Variants in LRRTM1 observed in about 807,000 individuals in gnomAD.
LRRTM1 encodes the protein leucine-rich repeat transmembrane neuronal protein 1.
LRRTM1 carries 8 observed loss-of-function variants against 37.3 expected under a neutral mutation model. The ratio of observed to expected loss-of-function variants is 0.21; its 90% confidence interval spans 0.13 to 0.39. The LOEUF (loss-of-function observed/expected upper bound fraction) is 0.39, where lower values mean the gene tolerates loss of function less well. Among genes scored for constraint, LRRTM1 ranks in the 10% least tolerant of loss-of-function variants. LRRTM1 has a pLI of 1.00. For synonymous variants in LRRTM1, 326 were observed against 316.8 expected, an observed-to-expected ratio of 1.03 and a Z score of -0.31; for missense variants, 557 against 691.0, an observed-to-expected ratio of 0.81 and a Z score of 2.17.
At chr2:80,289,559 C>T (rs1675057386) in intron 2 of LRRTM1, among the ~76,000 whole-genome samples, 1 of 152,208 alleles carries the variant, frequency 6.6e-6, no homozygotes, top group Admixed American at 6.5e-5. Context: ...TAACATGTCA[C>T]TCTACTGTGG....
At chr2:80,291,645 T>A (rs2149180268) in intron 2 of LRRTM1, among the ~76,000 whole-genome samples, 1 of 152,330 alleles carries the variant, frequency 6.6e-6, no homozygotes, top group African/African-American at 2.4e-5. Context: ...TTGCCAATAT[T>A]AAATAAGAGT....
chr2:80,295,765 G>A (rs1361834441), intron 2 of LRRTM1, among the ~76,000 whole-genome samples: 1 of 152,188 alleles, frequency 6.6e-6, no homozygotes, highest in African/African-American at 2.4e-5. Context: ...CTGACTTCTA[G>A]ACCCTATTTC....
At chr2:80,301,241 G>A (rs927471057), downstream of LRRTM1, among the ~76,000 whole-genome samples, 7 of 152,334 alleles carry the variant, frequency 4.6e-5, no homozygotes, top group African/African-American at 1.7e-4. Flanking sequence ...GCTTGCTGCA[G>A]TCTTAGCAAT....
chr2:80,290,085 G>T (rs1013715418), intron 2 of LRRTM1, among the ~76,000 whole-genome samples: 1 of 152,122 alleles, frequency 6.6e-6, no homozygotes, highest in African/African-American at 2.4e-5. Context: ...GATCTCATTT[G>T]ATCCTTACCA....
chr2:80,301,756 G>A (rs116077606), downstream of LRRTM1: 1,678 of 152,414 alleles, frequency 0.011, 10 homozygotes, highest in Non-Finnish European at 0.018. Flanking sequence ...ATCTGACTAC[G>A]TTGCTCCTGG....
In LRRTM1 at chr2:80,302,638, G is replaced by C. The variant is rs1361198566; in HGVS notation, c.1182C>G (p.Leu394=). 1 of 1,607,496 alleles carries C rather than the reference G, an allele frequency of 6.2e-7. No individual in the cohort carries two copies. Among genetic ancestry groups the C allele is most frequent in the East Asian group, 2.2e-5 (1 of 44,796 alleles). ...CGTGCTGCCCCTCCCCGCCGTCCGC[G>C]AGCGTGGTGGCCGAGCTGGCAGGGG... ...LGPPASSATT[L]ADGGEGQHDG... Residue 394 remains leucine (L), a synonymous_variant, in exon 2 of 2, where the codon CTC becomes CTG. Coordinates refer to ENST00000295057, the MANE Select transcript of LRRTM1 (RefSeq NM_178839.5). This position sits in a 1 kb window ranked among gnomAD's most constrained non-coding sequence, Gnocchi z 6.4.
Position 80,302,929 on chromosome 2 carries a change from G to A in LRRTM1, c.891C>T (p.Pro297=), listed in dbSNP as rs1269341395. 6.2e-7 allele frequency: 1 copy of A among 1,613,950 alleles called. No individual in the cohort carries two copies. The highest frequency in any genetic ancestry group is 8.5e-7 in the Non-Finnish European group (1 of 1,180,034). The change falls in exon 2 of 2, where the codon CCC becomes CCT. Residue 297 remains proline, a synonymous_variant. Transcript: ENST00000295057. This position sits in a 1 kb window ranked among gnomAD's most constrained non-coding sequence, Gnocchi z 6.4. The stretch of plus-strand genomic sequence containing the variant: ...GGGACTTCCAAGAGTTGAGGATCCG[G>A]GGCTCGATGTAGGTGAGGCGGTTGG... ...LDSNRLTYIE[P]RILNSWKSLT... is the part of the protein sequence containing the mutation.
rs1185534048 is a variant in LRRTM1 at position 80,303,037 on chromosome 2, C to T, written c.783G>A (p.Met261Ile). 5 of 1,613,746 alleles carry T rather than the reference C, an allele frequency of 3.1e-6. No individual in the cohort carries two copies. The highest frequency in any genetic ancestry group is 1.1e-5 in the South Asian group (1 of 91,064). ...ACTCGATCTCGTTGCCCGACAAGTCCATTTTCTCCAGGTTCCAAACCCAGT... is the reference window on the plus strand; with the variant it reads ...ACTCGATCTCGTTGCCCGACAAGTCTATTTTCTCCAGGTTCCAAACCCAGT... ...SLDWVWNLEK[M>I]DLSGNEIEYM... The change falls in exon 2 of 2, where the codon ATG (methionine) becomes ATA (isoleucine). Residue 261 changes from methionine to isoleucine, a missense_variant. This residue lies in a region of LRRTM1 where 200 missense variants were observed against 249.9 expected (regional missense o/e 0.80). Transcript: ENST00000295057. The surrounding 1 kb of genome is among the most constrained non-coding windows in gnomAD (Gnocchi z 7.7).
At position 80,303,872 on chromosome 2, in the gene LRRTM1, C is replaced by T; in HGVS notation, c.-53G>A. ...AGAATGTCCATTGGAAGCGCTCGGT[C>T]AGAAATCTACATCATATTTTATTCC... On this transcript the variant is annotated 5_prime_UTR_variant, in exon 2 of 2. Coordinates refer to ENST00000295057, the MANE Select transcript of LRRTM1 (RefSeq NM_178839.5). The surrounding 1 kb of genome is among the most constrained non-coding windows in gnomAD (Gnocchi z 7.7). The T allele has an allele frequency of 1.4e-6, 2 of 1,466,296 alleles. No homozygotes were observed. Among genetic ancestry groups the T allele is most frequent in the East Asian group, 4.7e-5 (2 of 42,246 alleles). 90.8% of individuals were successfully genotyped at this position (1,466,296 alleles called of 1,614,324 possible). A position where few individuals can be genotyped will look rare whatever the true frequency, so the allele number is the denominator to read the frequency against.
Position 80,289,790 on chromosome 2 carries a change from GA to G in LRRTM1, c.*307-596del, listed in dbSNP as rs35647394. On this transcript the variant is annotated intron_variant and NMD_transcript_variant, in intron 2 of 2. Transcript: ENST00000417012. ...GGGTCAGACTGTGTTATACGGTAGG[GA>G]AAAAAGTCAACTGACAGGAGGGACT... Among the ~76,000 whole-genome samples the G allele has an allele frequency of 2.6e-4, 39 of 152,248 alleles. No individual in the cohort carries two copies. The East Asian group carries it at 6.4e-3, about 25-fold the overall frequency.
At position 80,302,903 on chromosome 2, in the gene LRRTM1, A is replaced by C. The variant is rs1269977062; in HGVS notation, c.917T>G (p.Leu306Arg). The C allele has an allele frequency of 6.2e-7, 1 of 1,613,962 alleles. No homozygotes were observed. The highest frequency in any genetic ancestry group is 8.5e-7 in the Non-Finnish European group (1 of 1,180,030). Residue 306 changes from leucine (L) to arginine (R), a missense_variant, in exon 2 of 2, where the codon CTG becomes CGG. Physicochemically the swap from Leu to Arg is moderately radical, Grantham distance 102. Around this residue, in one of 5 missense-constraint regions of LRRTM1, gnomAD observed 200 missense variants for 249.9 expected, o/e 0.80. Transcript: ENST00000295057. This position sits in a 1 kb window ranked among gnomAD's most constrained non-coding sequence, Gnocchi z 6.4. ...GTTCCCGGCCAGGGTGATGCTTGTCAGGGACTTCCAAGAGTTGAGGATCCG... is the reference window on the plus strand; with the variant it reads ...GTTCCCGGCCAGGGTGATGCTTGTCCGGGACTTCCAAGAGTTGAGGATCCG... ...EPRILNSWKS[L>R]TSITLAGNLW...
At chr2:80,297,917 T>G (rs1176858346), downstream of LRRTM1, among the ~76,000 whole-genome samples, 2 of 152,088 alleles carry the variant, frequency 1.3e-5, no homozygotes, top group Non-Finnish European at 2.9e-5. Context: ...AAGAAAGTAT[T>G]AGGATGATTA....
downstream of LRRTM1, chr2:80,299,788 T>C (rs545494036): frequency 6.6e-6 from 1 of 152,300 alleles, no homozygotes; most frequent in Non-Finnish European, 1.5e-5. Context: ...AGGGGACTTG[T>C]GGTTCTGATG....
chr2:80,303,572 C>T lies in LRRTM1; in HGVS notation c.248G>A (p.Gly83Asp), dbSNP rs1451138100. The change falls in exon 2 of 2, where the codon GGC becomes GAC. Residue 83 changes from glycine to aspartate, a missense_variant. By Grantham distance (94) the Gly-to-Asp change is moderately conservative. Around this residue, in one of 5 missense-constraint regions of LRRTM1, gnomAD observed 140 missense variants for 138.1 expected, o/e 1.01. Transcript: ENST00000295057. This position sits in a 1 kb window ranked among gnomAD's most constrained non-coding sequence, Gnocchi z 7.7. ...RYNSLSELRA[G>D]QFTGLMQLTW... is the part of the protein sequence containing the mutation. ...GAGCTGCATTAACCCCGTGAACTGG[C>T]CGGCGCGCAGCTCCGAGAGGCTGTT... is the stretch of plus-strand genomic sequence containing the variant. The T allele has an allele frequency of 6.2e-7, 1 of 1,614,232 alleles. No homozygotes were observed. Among genetic ancestry groups the T allele is most frequent in the Admixed American group, 1.7e-5 (1 of 60,030 alleles).
intron 2 of LRRTM1, among the ~76,000 whole-genome samples, chr2:80,289,912 GCAGGAA>G (rs2149176403): frequency 6.6e-6 from 1 of 152,302 alleles, no homozygotes; most frequent in South Asian, 2.1e-4. Flanking sequence ...GTGACCAAGA[GCAGGAA>G]TTTAAATCCC....
At chr2:80,295,378 A>G (rs572383659) in intron 2 of LRRTM1, among the ~76,000 whole-genome samples, 1 of 152,170 alleles carries the variant, frequency 6.6e-6, no homozygotes, top group African/African-American at 2.4e-5. Context: ...TACATGCCTG[A>G]GCTTTCTCAT....
chr2:80,302,599 C>T lies in LRRTM1; in HGVS notation c.1221G>A (p.Glu407=). Residue 407 remains glutamate, a synonymous_variant, in exon 2 of 2, where the codon GAG becomes GAA. Transcript: ENST00000295057. This position sits in a 1 kb window ranked among gnomAD's most constrained non-coding sequence, Gnocchi z 6.4. ...GGEGQHDGTF[E]PATVALPGGE... is the part of the protein sequence containing the mutation. ...CGCCTGGAAGAGCCACGGTGGCAGG[C>T]TCGAATGTGCCGTCGTGCTGCCCCT... The T allele has an allele frequency of 6.2e-7, 1 of 1,606,336 alleles. No homozygotes were observed. The highest frequency in any genetic ancestry group is 8.5e-7 in the Non-Finnish European group (1 of 1,178,834).
chr2:80,302,231 G>A lies in LRRTM1; in HGVS notation c.*20C>T. The A allele has an allele frequency of 1.9e-6, 3 of 1,605,344 alleles. No homozygotes were observed. The highest frequency in any genetic ancestry group is 2.6e-6 in the Non-Finnish European group (3 of 1,175,918). Reference sequence around the variant, plus strand: ...CCCAGGCGTATTTGGTAGCGCATGGGTTGAGAGCCACTGGGACAATCACAC... The same window carrying A: ...CCCAGGCGTATTTGGTAGCGCATGGATTGAGAGCCACTGGGACAATCACAC... On this transcript the variant is annotated 3_prime_UTR_variant, in exon 2 of 2. Coordinates refer to ENST00000295057, the MANE Select transcript of LRRTM1 (RefSeq NM_178839.5). This position sits in a 1 kb window ranked among gnomAD's most constrained non-coding sequence, Gnocchi z 6.4.
intron 1 of LRRTM1, 59 bp downstream of exon 1, chr2:80,304,092 GA>G: frequency 2.7e-6 from 1 of 364,538 alleles, no homozygotes. Context: ...CTGCAGCAAA[GA>G]AAAGGGAGGA....
Sources: allele counts gnomAD v4.1 joint callset (sites outside exome capture counted in the v4.1 genomes callset), GRCh38; gene constraint gnomAD v4.1.1; regional missense constraint gnomAD v4.1.1; non-coding constraint Gnocchi (gnomAD v3.1); transcripts MANE v1.5; gene names NCBI Gene and HGNC (gene_info 2026-07-23, HGNC 2026-07-21).